Variants in ADCY1 observed in about 807,000 individuals in gnomAD.
ADCY1 encodes the protein adenylate cyclase 1.
ADCY1 carries 28 observed loss-of-function variants against 105.4 expected under a neutral mutation model. The ratio of observed to expected loss-of-function variants is 0.27; its 90% confidence interval spans 0.20 to 0.36. The LOEUF (loss-of-function observed/expected upper bound fraction) is 0.36, where lower values mean the gene tolerates loss of function less well. ADCY1 is among the 10% of genes least tolerant of loss of function. ADCY1 has a pLI of 1.00. For synonymous variants in ADCY1, 655 were observed against 623.8 expected (o/e 1.05, Z -0.75); for missense variants, 977 against 1,434.2 (o/e 0.68, Z 5.15).
intron 8 of ADCY1, among the ~76,000 whole-genome samples, chr7:45,662,808 C>T (rs1194907634): frequency 2.6e-5 from 4 of 152,210 alleles, no homozygotes; most frequent in Non-Finnish European, 4.4e-5. Flanking sequence ...TCCCCACCCC[C>T]GGACCCCAGG....
chr7:45,666,644 G>C (rs1486019275), intron 8 of ADCY1, among the ~76,000 whole-genome samples: 1 of 152,220 alleles, frequency 6.6e-6, no homozygotes, highest in Admixed American at 6.5e-5. Flanking sequence ...TATATACCCA[G>C]TAATGGGATG....
intron 2 of ADCY1, among the ~76,000 whole-genome samples, chr7:45,598,093 T>A (rs1033268746): frequency 6.6e-6 from 1 of 152,212 alleles, no homozygotes; most frequent in African/African-American, 2.4e-5. Flanking sequence ...TCAGATCTCT[T>A]TAAAATTAAT....
At chr7:45,685,845 G>C in intron 12 of ADCY1, 117 bp from the exon 13 acceptor site, 1 of 1,294,072 alleles carries the variant, frequency 7.7e-7, no homozygotes, top group African/African-American at 1.5e-5. Flanking sequence ...ATAGCACTGG[G>C]GGTGGGTCAG....
intron 3 of ADCY1, among the ~76,000 whole-genome samples, chr7:45,614,229 T>A (rs1434344455): frequency 6.6e-6 from 1 of 152,106 alleles, no homozygotes; most frequent in Non-Finnish European, 1.5e-5. Context: ...ATATACTATA[T>A]GAATAAATAG....
intron 4 of ADCY1, among the ~76,000 whole-genome samples, chr7:45,635,601 G>GGTTTTTTTTT (rs1794379951): frequency 1.7e-4 from 10 of 57,194 alleles, no homozygotes; most frequent in African/African-American, 7.0e-4. Context: ...AATTTCTCTT[G>GGTTTTTTTTT]TTTTTTTTTT....
chr7:45,639,105 A>G (rs149708475), intron 4 of ADCY1, among the ~76,000 whole-genome samples: 3 of 152,284 alleles, frequency 2.0e-5, no homozygotes, highest in Non-Finnish European at 4.4e-5. Context: ...CAGTCCAAAC[A>G]TATCTTTCTC....
At chr7:45,632,435 G>T (rs888114139) in intron 4 of ADCY1, among the ~76,000 whole-genome samples, 5 of 151,716 alleles carry the variant, frequency 3.3e-5, no homozygotes, top group African/African-American at 1.2e-4. Context: ...TTAAAAAATA[G>T]TCTTCTGATT....
At chr7:45,682,441 A>AG (rs1408214838) in intron 11 of ADCY1, among the ~76,000 whole-genome samples, 1 of 152,154 alleles carries the variant, frequency 6.6e-6, no homozygotes, top group Non-Finnish European at 1.5e-5. Flanking sequence ...GAGGAAGCCC[A>AG]GGAGGTGTGC....
intron 8 of ADCY1, among the ~76,000 whole-genome samples, chr7:45,677,151 A>G (rs1441959593): frequency 6.6e-6 from 1 of 151,994 alleles, no homozygotes; most frequent in African/African-American, 2.4e-5. Context: ...CTTATTTTAC[A>G]TGTATTGTCA....
chr7:45,685,118 A>G (rs772688956), intron 12 of ADCY1, 50 bp downstream of exon 12: 6 of 1,520,614 alleles, frequency 3.9e-6, no homozygotes, highest in Non-Finnish European at 4.6e-6. Context: ...AGGGCATGGC[A>G]TGGAGGACCA....
intron 8 of ADCY1, among the ~76,000 whole-genome samples, chr7:45,667,509 C>A (rs1187218174): frequency 6.6e-6 from 1 of 152,274 alleles, no homozygotes; most frequent in Non-Finnish European, 1.5e-5. Context: ...GGTACCAGTA[C>A]CATGCTGTTT....
At chr7:45,593,516 C>T (rs767779351) in intron 2 of ADCY1, among the ~76,000 whole-genome samples, 3 of 152,226 alleles carry the variant, frequency 2.0e-5, no homozygotes, top group Non-Finnish European at 4.4e-5. Flanking sequence ...CCCTCTATGA[C>T]CCATCTTCTG....
rs1794691570 is a variant in ADCY1, at chr7:45,647,404, T to G, written c.1021-1266T>G. Among the ~76,000 whole-genome samples the G allele has an allele frequency of 6.6e-6, 1 of 152,208 alleles. No homozygotes were observed. The highest frequency in any genetic ancestry group is 2.4e-5 in the African/African-American group (1 of 41,438). On this transcript the variant is annotated intron_variant, in intron 4 of 19. Transcript: ENST00000297323. This position sits in a 1 kb window ranked among gnomAD's most constrained non-coding sequence, Gnocchi z 4.6. ...TCATTCCAAATGCACTTGTGTTAAC[T>G]CAGCATTCGACAGGACCTGCAGGGC...
chr7:45,622,669 G>T lies in ADCY1; in HGVS notation c.946G>T (p.Ala316Ser). The T allele has an allele frequency of 6.2e-7, 1 of 1,614,122 alleles. No individual in the cohort carries two copies. Among genetic ancestry groups the T allele is most frequent in the Non-Finnish European group, 8.5e-7 (1 of 1,180,002 alleles). ...FADIVGFTGL[A>S]SQCTAQELVK... ...TGACATCGTGGGTTTCACGGGCTTGGCATCCCAGTGCACAGCCCAGGAGCT... is the reference window on the plus strand; with the variant it reads ...TGACATCGTGGGTTTCACGGGCTTGTCATCCCAGTGCACAGCCCAGGAGCT... Residue 316 changes from alanine to serine, a missense_variant, in exon 4 of 20, where the codon GCA (alanine) becomes TCA (serine). By Grantham distance (99) the Ala-to-Ser change is moderately conservative. Transcript: ENST00000297323.
chr7:45,577,648 G>C (rs1792390539), intron 1 of ADCY1, among the ~76,000 whole-genome samples: 1 of 152,226 alleles, frequency 6.6e-6, no homozygotes, highest in African/African-American at 2.4e-5. Flanking sequence ...GCCATGCTGG[G>C]TGTGGAGTGG....
chr7:45,692,506 C>T (rs1784802916), intron 14 of ADCY1, among the ~76,000 whole-genome samples: 1 of 152,120 alleles, frequency 6.6e-6, no homozygotes, highest in South Asian at 2.1e-4. Flanking sequence ...AAATGTAATA[C>T]CTCACCCCTG....
intron 4 of ADCY1, among the ~76,000 whole-genome samples, chr7:45,623,433 A>G (rs1793960440): frequency 6.6e-6 from 1 of 152,194 alleles, no homozygotes; most frequent in African/African-American, 2.4e-5. Flanking sequence ...CATTGGCCAC[A>G]AGGCTCCTGA....
Position 45,593,799 on chromosome 7 carries a change from C to T in ADCY1, c.789+891C>T, listed in dbSNP as rs1388942334. ...AAACTCACAAACACATTTCATGTGT[C>T]GACATTATGATCCCTAATAGTTACA... On this transcript the variant is annotated intron_variant, in intron 2 of 19. Coordinates refer to ENST00000297323, the MANE Select transcript of ADCY1 (RefSeq NM_021116.4). Among the ~76,000 whole-genome samples, 7 of 152,178 alleles carry T rather than the reference C, an allele frequency of 4.6e-5. No individual in the cohort carries two copies. The South Asian group carries it at 6.2e-4, about 14-fold the overall frequency.
In ADCY1 at chr7:45,721,964, C is replaced by T. The variant is rs1300179117; in HGVS notation, c.*7969C>T. The T allele has an allele frequency of 7.6e-6, 3 of 397,130 alleles. No individual in the cohort carries two copies. The highest frequency in any genetic ancestry group is 2.1e-5 in the African/African-American group (1 of 48,610). The allele number at this position is 397,130 out of a possible 1,614,324, so 24.6% of individuals were successfully genotyped here. Reference sequence around the variant, plus strand: ...AATCTTGTGGGCTGAATAAATATCTCGTGCAGGACTGTGCAACAGTAGCCC... The same window carrying T: ...AATCTTGTGGGCTGAATAAATATCTTGTGCAGGACTGTGCAACAGTAGCCC... On this transcript the variant is annotated 3_prime_UTR_variant, in exon 20 of 20. Transcript: ENST00000297323.
Sources: gnomAD v4.1 joint callset for allele counts (sites outside exome capture counted in the v4.1 genomes callset) on GRCh38, gnomAD v4.1.1 for gene constraint, Gnocchi (gnomAD v3.1) non-coding constraint, MANE v1.5 for transcripts, NCBI Gene and HGNC (gene_info 2026-07-23, HGNC 2026-07-21) for gene names.